DOP1A: variants seen among roughly 807,000 people sequenced by gnomAD.
The protein encoded by DOP1A is DOP1 leucine zipper like protein A.
Under a neutral mutation model 267.6 loss-of-function variants are expected in DOP1A, and 90 were observed. The ratio of observed to expected loss-of-function variants is 0.34; its 90% CI spans 0.28 to 0.40. DOP1A has a LOEUF of 0.40. Ranked by LOEUF, DOP1A falls within the 10% of genes least tolerant of loss-of-function variation. The pLI is 1.00. For missense variants in DOP1A, 2,437 were observed against 2,900.4 expected, an observed-to-expected ratio of 0.84 and a Z score of 3.67; for synonymous variants, 932 against 999.1, an observed-to-expected ratio of 0.93 and a Z score of 1.27.
intron 31 of DOP1A, 77 bp downstream of exon 31, chr6:83,153,697 T>C (rs1317275170): frequency 3.3e-5 from 42 of 1,273,272 alleles, no homozygotes; most frequent in Non-Finnish European, 4.3e-5. Flanking sequence ...TTATTGCCAT[T>C]TCTAGAATTA....
chr6:83,147,366 A>G, intron 26 of DOP1A, 75 bp downstream of exon 26: 3 of 772,066 alleles, frequency 3.9e-6, no homozygotes, highest in Middle Eastern at 6.6e-4. Flanking sequence ...ATATATTAAT[A>G]TAAGTAATGA....
intron 9 of DOP1A, 117 bp downstream of exon 9, chr6:83,119,974 T>TA (rs1776099396): frequency 1.4e-6 from 1 of 694,070 alleles, no homozygotes; most frequent in East Asian, 3.0e-5. Context: ...AGACAAGACT[T>TA]ACAAACTTCC....
intron 1 of DOP1A, chr6:83,072,934 G>A (rs1452308865): frequency 5.9e-6 from 2 of 336,532 alleles, no homozygotes; most frequent in Admixed American, 3.7e-5. Context: ...ATTTCCTGGA[G>A]AGGTTTTTCT....
At chr6:83,106,094 G>A (rs973820887) in intron 4 of DOP1A, among the ~76,000 whole-genome samples, 2 of 152,020 alleles carry the variant, frequency 1.3e-5, no homozygotes, top group Non-Finnish European at 2.9e-5. Flanking sequence ...TTTAATTAAT[G>A]ATTTTTTCAT....
intron 17 of DOP1A, among the ~76,000 whole-genome samples, chr6:83,131,522 A>G (rs905982911): frequency 1.3e-5 from 2 of 152,164 alleles, no homozygotes; most frequent in Admixed American, 6.5e-5. Flanking sequence ...GTAATATACA[A>G]CCATAAATAT....
chr6:83,099,126 A>G (rs535476323), intron 3 of DOP1A, among the ~76,000 whole-genome samples: 1 of 152,300 alleles, frequency 6.6e-6, no homozygotes, highest in South Asian at 2.1e-4. Flanking sequence ...AGTTCCCCAT[A>G]TTATAATAAG....
intron 1 of DOP1A, among the ~76,000 whole-genome samples, chr6:83,082,128 A>G (rs892909251): frequency 6.7e-6 from 1 of 148,956 alleles, no homozygotes; most frequent in South Asian, 2.1e-4. Context: ...TCAAAAAATG[A>G]AAAAAATAGA....
intron 25 of DOP1A, 48 bp from the exon 26 acceptor site, chr6:83,147,188 A>T: frequency 1.0e-6 from 1 of 992,016 alleles, no homozygotes; most frequent in Non-Finnish European, 1.5e-6. Context: ...ATGAAAAAGC[A>T]AAGGCAGTAT....
rs1197151772 is a variant in DOP1A at position 83,154,171 on chromosome 6, C to A, written c.6390-9C>A. On this transcript the variant is annotated splice_polypyrimidine_tract_variant and intron_variant, in intron 32 of 38. Transcript: ENST00000349129. ...CATAATTACATGTTGTAATCCTTAT[C>A]TCTTTCAGTTGGAGAGCAATTATGG... 1.2e-6 allele frequency: 2 copies of A among 1,613,446 alleles called. No homozygotes were observed. The highest frequency in any genetic ancestry group is 1.1e-5 in the South Asian group (1 of 91,040).
chr6:83,163,723 A>G (rs959103666), intron 38 of DOP1A, among the ~76,000 whole-genome samples: 67 of 152,116 alleles, frequency 4.4e-4, no homozygotes, highest in African/African-American at 1.6e-3. Flanking sequence ...GATGCTGAGT[A>G]CAGATTGCAA....
intron 38 of DOP1A, chr6:83,166,818 A>C (rs998408838): frequency 3.9e-6 from 4 of 1,015,548 alleles, no homozygotes. Context: ...GTAAACAATG[A>C]AAGTTTCTGA....
At chr6:83,160,254 A>G (rs1246044363) in intron 37 of DOP1A, among the ~76,000 whole-genome samples, 2 of 152,220 alleles carry the variant, frequency 1.3e-5, no homozygotes, top group South Asian at 4.1e-4. Context: ...TGGCTCATGC[A>G]CAAGACACAC....
intron 1 of DOP1A, among the ~76,000 whole-genome samples, chr6:83,093,922 A>G (rs1770967348): frequency 6.6e-6 from 1 of 152,192 alleles, no homozygotes; most frequent in Non-Finnish European, 1.5e-5. Flanking sequence ...TCAAAAACAA[A>G]CAAACAAAAA....
At chr6:83,134,989 C>G (rs931401395) in intron 19 of DOP1A, among the ~76,000 whole-genome samples, 1 of 152,058 alleles carries the variant, frequency 6.6e-6, no homozygotes, top group African/African-American at 2.4e-5. Flanking sequence ...GATACTGAAC[C>G]ATATATTGAA....
intron 4 of DOP1A, among the ~76,000 whole-genome samples, chr6:83,102,134 A>T (rs182229034): frequency 6.6e-6 from 1 of 152,306 alleles, no homozygotes; most frequent in Non-Finnish European, 1.5e-5. Flanking sequence ...ACCTGTTTAA[A>T]ACTAAACTTT....
In DOP1A at chr6:83,145,640, A is replaced by G; in HGVS notation, c.5658A>G (p.Pro1886=). 1.2e-6 allele frequency: 2 copies of G among 1,613,526 alleles called. No homozygotes were observed. The highest frequency in any genetic ancestry group is 1.7e-6 in the Non-Finnish European group (2 of 1,179,698). ...TAAAAGAAGTTTTAAAGCAGCCACC[A>G]GCCATAGCCAAGGACAAGGTAAGAA... ...QTVKEVLKQP[P]AIAKDKKHLS... Residue 1886 remains proline (P), a synonymous_variant, in exon 25 of 39, where the codon CCA becomes CCG. Coordinates refer to ENST00000349129, the MANE Select transcript of DOP1A (RefSeq NM_015018.4).
chr6:83,097,838 TTATTC>T lies in DOP1A; in HGVS notation c.138+728_138+732del, dbSNP rs1196742764. 5.3e-5 allele frequency among the ~76,000 whole-genome samples: 8 copies of T among 150,906 alleles called. No homozygotes were observed. The East Asian group carries it at 1.6e-3, about 29-fold the overall frequency. On this transcript the variant is annotated intron_variant, in intron 3 of 38. Coordinates refer to ENST00000349129, the MANE Select transcript of DOP1A (RefSeq NM_015018.4). ...AGGAAAGGAGTGGCCTTCCAATAAC[TTATTC>T]TATTTTATTTTATTTTATTTTATTA... is the stretch of plus-strand genomic sequence containing the variant.
intron 15 of DOP1A, among the ~76,000 whole-genome samples, chr6:83,127,439 C>T (rs1777365964): frequency 6.6e-6 from 1 of 152,130 alleles, no homozygotes; most frequent in South Asian, 2.1e-4. Context: ...GAGCACCAAG[C>T]AGACAAGAGA....
At chr6:83,071,299 C>T (rs550158159) in intron 1 of DOP1A, among the ~76,000 whole-genome samples, 1 of 152,216 alleles carries the variant, frequency 6.6e-6, no homozygotes, top group East Asian at 1.9e-4. Flanking sequence ...CTCTGCCTCC[C>T]GGATTCAAGG....
Sources: allele counts gnomAD v4.1 joint callset (sites outside exome capture counted in the v4.1 genomes callset), GRCh38; gene constraint gnomAD v4.1.1; transcripts MANE v1.5; gene names NCBI Gene and HGNC (gene_info 2026-07-23, HGNC 2026-07-21).